Variants in SOX6 observed in about 807,000 individuals in gnomAD.
SOX6 encodes SRY-box transcription factor 6.
A neutral mutation model predicts 97.8 loss-of-function variants in SOX6; 11 were observed. The observed-to-expected ratio is 0.11, with a 90% CI of 0.07 to 0.19. SOX6 has a LOEUF of 0.19. Ranked by LOEUF, SOX6 falls within the 10% of genes least tolerant of loss-of-function variation. SOX6 has a pLI of 1.00. For missense variants in SOX6, 810 were observed against 1,039.5 expected (o/e 0.78, Z 3.04); for synonymous variants, 360 against 371.4 (o/e 0.97, Z 0.35).
chr11:16,601,043 A>G (rs1848262739), intron 4 of SOX6, among the ~76,000 whole-genome samples: 1 of 152,182 alleles, frequency 6.6e-6, no homozygotes, highest in Non-Finnish European at 1.5e-5. Context: ...TATTTTCCTT[A>G]TTAGGAAAAA....
chr11:16,060,767 G>T (rs1847928319), intron 9 of SOX6, among the ~76,000 whole-genome samples: 1 of 151,832 alleles, frequency 6.6e-6, no homozygotes, highest in Non-Finnish European at 1.5e-5. Context: ...CTCTAAAGGA[G>T]ATATAAAATA....
chr11:16,017,650 A>G (rs1854929263), intron 12 of SOX6, among the ~76,000 whole-genome samples: 2 of 152,130 alleles, frequency 1.3e-5, no homozygotes, highest in Non-Finnish European at 1.5e-5. Context: ...GAGGTTGAAC[A>G]TGAGCCTAGT....
intron 4 of SOX6, among the ~76,000 whole-genome samples, chr11:16,482,878 T>C (rs929980506): frequency 1.3e-5 from 2 of 152,226 alleles, no homozygotes; most frequent in East Asian, 1.9e-4. Flanking sequence ...TGCCTTTTTG[T>C]TTGTTTGTTT....
At chr11:16,561,094 C>T (rs750741055) in intron 4 of SOX6, among the ~76,000 whole-genome samples, 5 of 151,876 alleles carry the variant, frequency 3.3e-5, no homozygotes, top group African/African-American at 4.8e-5. Flanking sequence ...ACCAAAACCA[C>T]CTGTTCCCAA....
At chr11:16,529,130 T>A (rs1050631727) in intron 4 of SOX6, among the ~76,000 whole-genome samples, 1 of 152,112 alleles carries the variant, frequency 6.6e-6, no homozygotes, top group Non-Finnish European at 1.5e-5. Flanking sequence ...TAACATACTA[T>A]AATAGCAATG....
intron 1 of SOX6, among the ~76,000 whole-genome samples, chr11:16,446,446 A>G (rs1268155226): frequency 6.6e-6 from 1 of 152,118 alleles, no homozygotes; most frequent in Non-Finnish European, 1.5e-5. Context: ...GGACTGGAAA[A>G]ATGAGGTAAG....
intron 4 of SOX6, among the ~76,000 whole-genome samples, chr11:16,491,560 C>T (rs1047379595): frequency 6.6e-6 from 1 of 151,764 alleles, no homozygotes; most frequent in Non-Finnish European, 1.5e-5. Flanking sequence ...ATAGTAAGTT[C>T]ATTTTGAAAT....
intron 1 of SOX6, among the ~76,000 whole-genome samples, chr11:16,472,598 T>C (rs1860157606): frequency 1.3e-5 from 2 of 152,260 alleles, no homozygotes; most frequent in Non-Finnish European, 2.9e-5. Context: ...TGATAGAGTT[T>C]CATAAAATAA....
At chr11:16,190,723 C>T (rs891483541) in intron 4 of SOX6, among the ~76,000 whole-genome samples, 1 of 152,020 alleles carries the variant, frequency 6.6e-6, no homozygotes, top group Admixed American at 6.6e-5. Flanking sequence ...CCTTGGGGCT[C>T]AAATTAGGGA....
chr11:16,097,465 C>A, intron 8 of SOX6, 144 bp downstream of exon 8: 1 of 730,120 alleles, frequency 1.4e-6, no homozygotes, highest in Non-Finnish European at 2.4e-6. Flanking sequence ...ATTTGCATTA[C>A]GATAAGCAAA....
chr11:16,010,989 A>G (rs1854705958), intron 13 of SOX6, among the ~76,000 whole-genome samples: 1 of 152,076 alleles, frequency 6.6e-6, no homozygotes, highest in African/African-American at 2.4e-5. Context: ...TTTTTAAAAG[A>G]TAAAGAAACT....
chr11:16,051,195 T>A (rs1847676952), intron 10 of SOX6, among the ~76,000 whole-genome samples: 1 of 152,150 alleles, frequency 6.6e-6, no homozygotes, highest in African/African-American at 2.4e-5. Flanking sequence ...GAAGCAATTA[T>A]ATACCAAGCA....
At chr11:16,353,963 C>T (rs1273270014) in intron 1 of SOX6, among the ~76,000 whole-genome samples, 2 of 151,988 alleles carry the variant, frequency 1.3e-5, no homozygotes, top group African/African-American at 2.4e-5. Context: ...AATCTACCAG[C>T]TTTTTAGATT....
At chr11:16,516,294 T>C (rs1860972041) in intron 4 of SOX6, among the ~76,000 whole-genome samples, 1 of 152,140 alleles carries the variant, frequency 6.6e-6, no homozygotes, top group Non-Finnish European at 1.5e-5. Flanking sequence ...CTAGGTATTT[T>C]ATTCTCTTTG....
At chr11:16,421,592 C>T (rs761105761) in intron 1 of SOX6, among the ~76,000 whole-genome samples, 2 of 152,012 alleles carry the variant, frequency 1.3e-5, no homozygotes, top group Non-Finnish European at 2.9e-5. Context: ...TCAGAAATAG[C>T]CGTAGTAATG....
chr11:16,735,778 C>T (rs1848386526), intron 2 of SOX6, among the ~76,000 whole-genome samples: 1 of 152,010 alleles, frequency 6.6e-6, no homozygotes, highest in Non-Finnish European at 1.5e-5. Flanking sequence ...GTATATGGTA[C>T]ATGGTGGGTA....
chr11:16,554,733 GAATTAA>G (rs1847732077), intron 4 of SOX6, among the ~76,000 whole-genome samples: 1 of 151,836 alleles, frequency 6.6e-6, no homozygotes, highest in African/African-American at 2.4e-5. Context: ...TAAACTATTA[GAATTAA>G]AATTAAATCT....
intron 3 of SOX6, among the ~76,000 whole-genome samples, chr11:16,622,368 C>G (rs1030048049): frequency 4.6e-5 from 7 of 152,182 alleles, no homozygotes; most frequent in South Asian, 2.1e-4. Flanking sequence ...GTACACCCAC[C>G]ACCTGAGCCG....
chr11:16,581,874 T>C (rs1278505670), intron 4 of SOX6, among the ~76,000 whole-genome samples: 1 of 151,024 alleles, frequency 6.6e-6, no homozygotes, highest in African/African-American at 2.4e-5. Flanking sequence ...AGGCAGAGAA[T>C]TGCTTAAATC....
Sources: gnomAD v4.1 joint callset for allele counts (sites outside exome capture counted in the v4.1 genomes callset) on GRCh38, gnomAD v4.1.1 for gene constraint, MANE v1.5 for transcripts, NCBI Gene and HGNC (gene_info 2026-07-23, HGNC 2026-07-21) for gene names.